CTCF: variants seen among roughly 807,000 people sequenced by gnomAD.
The protein encoded by CTCF is transcriptional repressor CTCF.
CTCF carries 7 observed loss-of-function variants against 72.3 expected under a neutral mutation model. That is an observed-to-expected ratio of 0.10 (90% confidence interval 0.06 to 0.18). The LOEUF is 0.18. Among genes scored for constraint, CTCF ranks in the 10% least tolerant of loss-of-function variants. The probability of loss-of-function intolerance (pLI) is 1.00; values close to 1 mark genes in which losing one functional copy is unlikely to be tolerated. For synonymous variants in CTCF, 374 were observed against 315.8 expected, an observed-to-expected ratio of 1.18 and a Z score of -1.95; for missense variants, 516 against 949.1, an observed-to-expected ratio of 0.54 and a Z score of 6.00.
Position 67,626,633 on chromosome 16 carries a change from G to T in CTCF, c.1436G>T (p.Arg479Leu). The T allele has an allele frequency of 6.3e-7, 1 of 1,578,030 alleles. No individual in the cohort carries two copies. Among genetic ancestry groups the T allele is most frequent in the Non-Finnish European group, 8.6e-7 (1 of 1,160,792 alleles). Residue 479 changes from arginine (R) to leucine (L), a missense_variant, in exon 8 of 12, where the codon CGC (arginine) becomes CTC (leucine). By Grantham distance (102) the Arg-to-Leu change is moderately radical. Coordinates refer to ENST00000264010, the MANE Select transcript of CTCF (RefSeq NM_006565.4). ...CRYCDAVFHERYALIQHQKSH... is the reference protein window; with the variant it reads ...CRYCDAVFHELYALIQHQKSH... The stretch of plus-strand genomic sequence containing the variant: ...TACTGTGATGCTGTGTTTCATGAGC[G>T]CTATGCCCTCATCCAGCATCAGAAG...
intron 2 of CTCF, among the ~76,000 whole-genome samples, chr16:67,608,821 C>G (rs1028005324): frequency 6.6e-6 from 1 of 151,974 alleles, no homozygotes; most frequent in East Asian, 1.9e-4. Context: ...TCACCGCAAC[C>G]TCCACCTCCC....
At chr16:67,619,484 T>G (rs905501214) in intron 5 of CTCF, among the ~76,000 whole-genome samples, 5 of 152,244 alleles carry the variant, frequency 3.3e-5, no homozygotes, top group African/African-American at 1.2e-4. Flanking sequence ...CAGTGTTTTT[T>G]TGTTTTTTGT....
At chr16:67,571,340 C>T (rs2051416371) in intron 2 of CTCF, 76 bp downstream of exon 2, 1 of 152,464 alleles carries the variant, frequency 6.6e-6, no homozygotes, top group African/African-American at 2.4e-5. Context: ...GATTTGTTGG[C>T]TAATTCTTGA....
intron 2 of CTCF, among the ~76,000 whole-genome samples, chr16:67,599,725 T>G (rs1449374996): frequency 6.6e-6 from 1 of 152,148 alleles, no homozygotes; most frequent in Non-Finnish European, 1.5e-5. Context: ...GGAGCTCCAT[T>G]TTATGGTGAT....
intron 2 of CTCF, among the ~76,000 whole-genome samples, chr16:67,599,115 G>A (rs187134438): frequency 3.9e-5 from 6 of 152,308 alleles, no homozygotes; most frequent in Admixed American, 2.6e-4. Context: ...TGGCTGAAGC[G>A]GCCGAATGTG....
intron 2 of CTCF, among the ~76,000 whole-genome samples, chr16:67,579,730 G>T (rs1470876367): frequency 1.3e-5 from 2 of 152,108 alleles, no homozygotes; most frequent in African/African-American, 2.4e-5. Context: ...AAATACCCTA[G>T]TAGTAGATAG....
chr16:67,620,136 C>T (rs1308050078), intron 5 of CTCF, among the ~76,000 whole-genome samples: 1 of 152,180 alleles, frequency 6.6e-6, no homozygotes, highest in Non-Finnish European at 1.5e-5. Context: ...AAATTTCAAA[C>T]ATGTAGAAGT....
At chr16:67,630,766 A>G (rs908303973) in intron 10 of CTCF, among the ~76,000 whole-genome samples, 1 of 151,646 alleles carries the variant, frequency 6.6e-6, no homozygotes, top group Non-Finnish European at 1.5e-5. Flanking sequence ...AAAAAAAACA[A>G]AAAGTGCCAA....
At chr16:67,620,862 G>A in intron 6 of CTCF, 45 bp downstream of exon 6, 2 of 1,502,642 alleles carry the variant, frequency 1.3e-6, no homozygotes, top group South Asian at 1.3e-5. Context: ...CTTCTTTTCA[G>A]TGAATCCCAT....
intron 2 of CTCF, among the ~76,000 whole-genome samples, chr16:67,603,615 G>T (rs1346277491): frequency 6.6e-6 from 1 of 151,714 alleles, no homozygotes; most frequent in African/African-American, 2.4e-5. Context: ...AGGAGGTCAG[G>T]AGATAAGAGA....
rs564567821 is a variant in CTCF at position 67,632,214 on chromosome 16, C to T, written c.1837+2681C>T. 1.5e-4 allele frequency among the ~76,000 whole-genome samples: 23 copies of T among 152,278 alleles called. No individual in the cohort carries two copies. The South Asian group carries it at 4.1e-3, about 27-fold the overall frequency. On this transcript the variant is annotated intron_variant, in intron 10 of 11. Coordinates refer to ENST00000264010, the MANE Select transcript of CTCF (RefSeq NM_006565.4). ...CTATAGTTGTTCTTAGTTGCAAAGC[C>T]GCCTGCTGCCAGACTCTGTCCTATG...
chr16:67,628,987 G>A (rs2052327331), intron 9 of CTCF, among the ~76,000 whole-genome samples: 1 of 151,918 alleles, frequency 6.6e-6, no homozygotes, highest in African/African-American at 2.4e-5. Context: ...GGGAGGCAGA[G>A]CTTGCAGTGA....
At position 67,631,154 on chromosome 16, in the gene CTCF, G is replaced by GTTTTTTTTTTTTTTTT. The variant is rs766362012; in HGVS notation, c.1837+1631_1837+1632insTTTTTTTTTTTTTTTT. ...ATTGGGCTTTTTTTGTTCTTTGTTT[G>GTTTTTTTTTTTTTTTT]TTTTTTTTTTGTTTTTTGTTTTTTT... On this transcript the variant is annotated intron_variant, in intron 10 of 11. Coordinates refer to ENST00000264010, the MANE Select transcript of CTCF (RefSeq NM_006565.4). Among the ~76,000 whole-genome samples the GTTTTTTTTTTTTTTTT allele has an allele frequency of 2.1e-4, 26 of 125,022 alleles. 2 individuals carry two copies. Among genetic ancestry groups the GTTTTTTTTTTTTTTTT allele is most frequent in the African/African-American group, 6.7e-4 (20 of 29,796 alleles). 82.0% of individuals were successfully genotyped at this position (125,022 alleles called of 152,430 possible).
At chr16:67,574,378 G>T (rs1309276272) in intron 2 of CTCF, among the ~76,000 whole-genome samples, 1 of 152,110 alleles carries the variant, frequency 6.6e-6, no homozygotes, top group Non-Finnish European at 1.5e-5. Context: ...ATCTCACTGT[G>T]TCGCCCAGGC....
intron 7 of CTCF, among the ~76,000 whole-genome samples, 157 bp downstream of exon 7, chr16:67,621,748 C>CTTTTT (rs34853932): frequency 4.1e-5 from 5 of 121,346 alleles, no homozygotes; most frequent in African/African-American, 6.6e-5. Context: ...TGCTTAGCTG[C>CTTTTT]TTTTTTTTTT....
In CTCF at chr16:67,621,450, C is replaced by A. The variant is rs2142849393; in HGVS notation, c.1216C>A (p.Pro406Thr). 1.3e-6 allele frequency: 2 copies of A among 1,597,130 alleles called. No individual in the cohort carries two copies. Among genetic ancestry groups the A allele is most frequent in the Non-Finnish European group, 8.6e-7 (1 of 1,165,452 alleles). The change falls in exon 7 of 12, where the codon CCT (proline) becomes ACT (threonine). Residue 406 changes from proline to threonine, a missense_variant. By Grantham distance (38) the Pro-to-Thr change is conservative (BLOSUM62 -1). Coordinates refer to ENST00000264010, the MANE Select transcript of CTCF (RefSeq NM_006565.4). ...RHMRTHSGEKPYECYICHARF... is the reference protein window; with the variant it reads ...RHMRTHSGEKTYECYICHARF... ...CTGTATTTTCTTTAAAGGGGAAAAG[C>A]CTTATGAATGTTATATTTGTCATGC...
chr16:67,606,254 C>T (rs1228481437), intron 2 of CTCF, among the ~76,000 whole-genome samples: 1 of 152,188 alleles, frequency 6.6e-6, no homozygotes, highest in Non-Finnish European at 1.5e-5. Flanking sequence ...GAAATCCAAA[C>T]CTTTCCCCTA....
Position 67,611,565 on chromosome 16 carries a change from G to A in CTCF, c.733G>A (p.Val245Met), listed in dbSNP as rs758579289. ...GLLSEVNAEKVVGNMKPPKPT... is the reference protein window; with the variant it reads ...GLLSEVNAEKMVGNMKPPKPT... ...GCTATCAGAGGTTAATGCAGAGAAA[G>A]TGGTTGGTAATATGAAGCCTCCAAA... The change falls in exon 3 of 12, where the codon GTG becomes ATG. Residue 245 changes from valine to methionine, a missense_variant. Val to Met is a conservative substitution (Grantham distance 21). Transcript: ENST00000264010. 6.2e-7 allele frequency: 1 copy of A among 1,614,194 alleles called. No homozygotes were observed. The highest frequency in any genetic ancestry group is 8.5e-7 in the Non-Finnish European group (1 of 1,180,042).
intron 11 of CTCF, 50 bp from the exon 12 acceptor site, chr16:67,637,638 T>C: frequency 6.6e-7 from 1 of 1,522,878 alleles, no homozygotes; most frequent in Non-Finnish European, 9.0e-7. Context: ...CCCTTGTGAT[T>C]CTTGGGGCTT....
Sources: gnomAD v4.1 joint callset for allele counts (sites outside exome capture counted in the v4.1 genomes callset) on GRCh38, gnomAD v4.1.1 for gene constraint, MANE v1.5 for transcripts, NCBI Gene and HGNC (gene_info 2026-07-23, HGNC 2026-07-21) for gene names.